COG2: variants seen among roughly 807,000 people sequenced by gnomAD.
COG2 encodes the protein component of oligomeric golgi complex 2.
In COG2, 52 loss-of-function variants were observed where a neutral mutation model predicts 90.6. The ratio of observed to expected loss-of-function variants is 0.57; its 90% CI spans 0.46 to 0.72. The LOEUF (loss-of-function observed/expected upper bound fraction) is 0.72. COG2 is among the 30% of genes least tolerant of loss of function. The pLI is 0.00. For synonymous variants in COG2, 337 were observed against 320.4 expected (o/e 1.05, Z -0.55); for missense variants, 829 against 891.2 (o/e 0.93, Z 0.89).
rs574497691 is a variant in COG2 at position 230,685,151 on chromosome 1, A to G, written c.1295A>G (p.Asp432Gly). ...AGCAGCCTTAGGAGGTGTTGGTCAG[A>G]TGAGATGTTCTTGCCATTACTGGTG... ...TWSSLRRCWS[D>G]EMFLPLLVHR... is the part of the protein sequence containing the mutation. The change falls in exon 12 of 18, where the codon GAT becomes GGT. Residue 432 changes from aspartate (D) to glycine (G), a missense_variant. Coordinates refer to ENST00000366669, the MANE Select transcript of COG2 (RefSeq NM_007357.3). 3.7e-6 allele frequency: 6 copies of G among 1,614,176 alleles called. No homozygotes were observed. The highest frequency in any genetic ancestry group is 1.7e-5 in the Admixed American group (1 of 60,028).
intron 15 of COG2, among the ~76,000 whole-genome samples, chr1:230,689,374 C>T (rs1339328524): frequency 1.3e-5 from 2 of 152,136 alleles, no homozygotes; most frequent in Non-Finnish European, 2.9e-5. Context: ...ACCAACTCTC[C>T]CTTTCTATTC....
chr1:230,661,984 T>C (rs1376035408), intron 3 of COG2, among the ~76,000 whole-genome samples: 1 of 152,026 alleles, frequency 6.6e-6, no homozygotes, highest in African/African-American at 2.4e-5. Context: ...CCCTTGGAGA[T>C]AGGGTGTTTT....
Position 230,687,157 on chromosome 1 carries a change from C to T in COG2, c.1578+25C>T, listed in dbSNP as rs2493147. On this transcript the variant is annotated intron_variant, in intron 13 of 17. Transcript: ENST00000366669. ...GGTAAGCCTGTGTCCCAGAATAATT[C>T]CAGGTGCTTGGTTTAATGTTTTCAC... The T allele has an allele frequency of 0.089, 141,430 of 1,586,720 alleles. 7,140 individuals carry two copies. The highest frequency in any genetic ancestry group is 0.1 in the Non-Finnish European group (121,408 of 1,160,968).
intron 16 of COG2, chr1:230,690,421 G>T (rs1028848240): frequency 6.6e-6 from 2 of 305,142 alleles, no homozygotes. Context: ...CCCTGCCTGC[G>T]TTCCCTGCAG....
Position 230,669,341 on chromosome 1 carries a change from C to T in COG2, c.595-15C>T. On this transcript the variant is annotated splice_polypyrimidine_tract_variant and intron_variant, in intron 6 of 17. Coordinates refer to ENST00000366669, the MANE Select transcript of COG2 (RefSeq NM_007357.3). The stretch of plus-strand genomic sequence containing the variant: ...AACTAGAGCTTTTTTTTTATTTACC[C>T]ACCTTTTCTTGCAGCGTATAGCTGG... 1 of 1,582,458 alleles carries T rather than the reference C, an allele frequency of 6.3e-7. No individual in the cohort carries two copies. The highest frequency in any genetic ancestry group is 8.6e-7 in the Non-Finnish European group (1 of 1,162,772).
chr1:230,649,138 T>C (rs1159127757), intron 1 of COG2, among the ~76,000 whole-genome samples: 1 of 152,256 alleles, frequency 6.6e-6, no homozygotes, highest in East Asian at 1.9e-4. Flanking sequence ...AGAACTTAAG[T>C]GCTACTGTTT....
chr1:230,679,157 A>T (rs1204727259), intron 10 of COG2, 105 bp downstream of exon 10: 1 of 1,132,224 alleles, frequency 8.8e-7, no homozygotes, highest in Non-Finnish European at 1.2e-6. Flanking sequence ...TCTGATCATC[A>T]TAATAAGCTT....
chr1:230,672,676 AAGG>A, intron 8 of COG2, among the ~76,000 whole-genome samples: 1 of 151,514 alleles, frequency 6.6e-6, no homozygotes, highest in Non-Finnish European at 1.5e-5. Flanking sequence ...AAAAAAAAAA[AAGG>A]CCATTTTTTC....
At chr1:230,660,684 T>G in intron 2 of COG2, 74 bp from the exon 3 acceptor site, 1 of 989,938 alleles carries the variant, frequency 1.0e-6, no homozygotes, top group Non-Finnish European at 1.5e-6. Flanking sequence ...TAGCACTACA[T>G]TGATCATTAA....
intron 11 of COG2, among the ~76,000 whole-genome samples, chr1:230,684,748 A>T (rs1035234628): frequency 4.6e-5 from 7 of 152,124 alleles, no homozygotes; most frequent in African/African-American, 1.7e-4. Context: ...TGAAGTTTAA[A>T]CCTCTGCAAG....
intron 10 of COG2, chr1:230,681,207 G>GC (rs534929626): frequency 1.3e-5 from 2 of 152,298 alleles, no homozygotes; most frequent in South Asian, 4.2e-4. Flanking sequence ...GATCAAAACA[G>GC]CCCCAAATTA....
chr1:230,655,514 G>A (rs961709296), intron 1 of COG2, among the ~76,000 whole-genome samples: 1 of 152,122 alleles, frequency 6.6e-6, no homozygotes, highest in Non-Finnish European at 1.5e-5. Flanking sequence ...ATTTTATTGA[G>A]GATTTTTGCA....
At chr1:230,659,093 G>T (rs921667321) in intron 1 of COG2, among the ~76,000 whole-genome samples, 1 of 152,026 alleles carries the variant, frequency 6.6e-6, no homozygotes, top group African/African-American at 2.4e-5. Context: ...TACTCTGATG[G>T]ATATTTTTAA....
intron 9 of COG2, among the ~76,000 whole-genome samples, chr1:230,676,299 T>C (rs1178761564): frequency 1.3e-5 from 2 of 152,202 alleles, no homozygotes; most frequent in African/African-American, 4.8e-5. Context: ...CTTCGTATTT[T>C]AGACTTCTGG....
At chr1:230,689,935 G>A in intron 15 of COG2, 79 bp from the exon 16 acceptor site, 1 of 1,385,204 alleles carries the variant, frequency 7.2e-7, no homozygotes, top group Non-Finnish European at 9.7e-7. Flanking sequence ...TATCCTTTTG[G>A]ACTTGAGTTC....
At position 230,668,666 on chromosome 1, in the gene COG2, TCTCTACTAGCCCC is replaced by T. The variant is rs773241693; in HGVS notation, c.486-7_491del. The T allele has an allele frequency of 1.3e-6, 2 of 1,571,122 alleles. No homozygotes were observed. Among genetic ancestry groups the T allele is most frequent in the Non-Finnish European group, 1.7e-6 (2 of 1,144,280 alleles). On this transcript the variant is annotated splice_acceptor_variant and splice_polypyrimidine_tract_variant and coding_sequence_variant and intron_variant, in exon 6 of 18. Coordinates refer to ENST00000366669, the MANE Select transcript of COG2 (RefSeq NM_007357.3). LOFTEE classifies it high-confidence loss of function. The stretch of plus-strand genomic sequence containing the variant: ...AGGGGTTACACTTCTATAACTGTTT[TCTCTACTAGCCCC>T]CTTTTGACTGGACAAATTTTGGAGA...
chr1:230,655,416 G>T (rs1392221892), intron 1 of COG2, among the ~76,000 whole-genome samples: 1 of 152,206 alleles, frequency 6.6e-6, no homozygotes, highest in Non-Finnish European at 1.5e-5. Flanking sequence ...ATTTGCGTGT[G>T]TTGAACCAGC....
chr1:230,667,781 A>G (rs766887041), intron 5 of COG2, among the ~76,000 whole-genome samples: 77 of 152,080 alleles, frequency 5.1e-4, no homozygotes, highest in Non-Finnish European at 7.1e-4. Flanking sequence ...ATATGTCCTC[A>G]TGATAGGGAC....
chr1:230,685,474 G>C (rs183918560), intron 12 of COG2, among the ~76,000 whole-genome samples: 1 of 151,992 alleles, frequency 6.6e-6, no homozygotes, highest in East Asian at 1.9e-4. Flanking sequence ...CACCACTCTG[G>C]CAAGTCCATT....
Sources: gnomAD v4.1 joint callset for allele counts (sites outside exome capture counted in the v4.1 genomes callset) on GRCh38, gnomAD v4.1.1 for gene constraint, MANE v1.5 for transcripts, NCBI Gene and HGNC (gene_info 2026-07-23, HGNC 2026-07-21) for gene names.